Variants in BRWD3 observed in about 807,000 individuals in gnomAD.
The protein encoded by BRWD3 is bromodomain and WD repeat-containing protein 3.
In BRWD3, 10 loss-of-function variants were observed where a neutral mutation model predicts 149.7. That is an observed-to-expected ratio of 0.07 (90% CI 0.04 to 0.11). The LOEUF (loss-of-function observed/expected upper bound fraction) is 0.11, where lower values mean the gene tolerates loss of function less well. BRWD3 is among the 10% of genes least tolerant of loss of function. The pLI is 1.00. For missense variants in BRWD3, 940 were observed against 1,373.2 expected, an observed-to-expected ratio of 0.68 and a Z score of 4.99; for synonymous variants, 504 against 456.7, an observed-to-expected ratio of 1.10 and a Z score of -1.32.
At chrX:80,709,129 C>T (rs1425324214) in intron 21 of BRWD3, among the ~76,000 whole-genome samples, 5 of 110,908 alleles carry the variant, frequency 4.5e-5, no homozygotes, top group African/African-American at 1.3e-4. Context: ...CTTTATATTT[C>T]GCTCCTTTCC....
At chrX:80,677,628 T>TA (rs2072382332) in intron 40 of BRWD3, among the ~76,000 whole-genome samples, 1 of 111,682 alleles carries the variant, frequency 9.0e-6, no homozygotes, top group Non-Finnish European at 1.9e-5. Flanking sequence ...CAGGAAGAAT[T>TA]ACCTGAGAAC....
intron 10 of BRWD3, among the ~76,000 whole-genome samples, chrX:80,734,507 A>C (rs779023705): frequency 9.0e-6 from 1 of 111,651 alleles, no homozygotes; most frequent in South Asian, 3.7e-4. Flanking sequence ...AATGTTCCAA[A>C]ATTATTTATA....
rs1279374810 is a variant in BRWD3 at position 80,669,889 on chromosome X, C to T, written c.*6720G>A. Among the ~76,000 whole-genome samples, 4 of 110,924 alleles carry T rather than the reference C, an allele frequency of 3.6e-5. No individual in the cohort carries two copies. The highest frequency in any genetic ancestry group is 5.7e-5 in the Non-Finnish European group (3 of 52,903). ...AAAATTGAAGAGAACTGCAAAGATGCTGACCAGGCAAGGTGGCAATTCAAA... is the reference window on the plus strand; with the variant it reads ...AAAATTGAAGAGAACTGCAAAGATGTTGACCAGGCAAGGTGGCAATTCAAA... On this transcript the variant is annotated 3_prime_UTR_variant, in exon 41 of 41. Transcript: ENST00000373275.
chrX:80,745,411 A>T (rs2073578636), intron 7 of BRWD3, among the ~76,000 whole-genome samples, 158 bp downstream of exon 7: 1 of 112,343 alleles, frequency 8.9e-6, no homozygotes, highest in African/African-American at 3.2e-5. Context: ...GTTTACTTAT[A>T]TAAAATGAGA....
chrX:80,697,970 G>A (rs372933769), intron 25 of BRWD3, among the ~76,000 whole-genome samples: 1 of 112,114 alleles, frequency 8.9e-6, no homozygotes, highest in South Asian at 3.7e-4. Context: ...ACAAGCATCT[G>A]TTTGTTTGTT....
chrX:80,686,477 G>A lies in BRWD3; in HGVS notation c.4005+386C>T, dbSNP rs187545607. Among the ~76,000 whole-genome samples, 15 of 108,456 alleles carry A rather than the reference G, an allele frequency of 1.4e-4. No homozygotes were observed. In the East Asian group the frequency reaches 4.3e-3, roughly 31 times the overall value. The allele number at this position is 108,456 out of a possible 115,157, so 94.2% of individuals were successfully genotyped here. On this transcript the variant is annotated intron_variant, in intron 35 of 40. Coordinates refer to ENST00000373275, the MANE Select transcript of BRWD3 (RefSeq NM_153252.5). ...AAGTAAAGAAAAGAAAAGTCATACT[G>A]GTATACTGGTTACTCTAAGTGGCCA...
intron 6 of BRWD3, among the ~76,000 whole-genome samples, chrX:80,787,984 T>C (rs1289410322): frequency 1.8e-5 from 2 of 109,520 alleles, no homozygotes; most frequent in Non-Finnish European, 3.8e-5. Context: ...CTCGGGAGGC[T>C]GAGGCAGGAG....
At chrX:80,693,903 A>C (rs1358988358) in intron 27 of BRWD3, among the ~76,000 whole-genome samples, 1 of 111,971 alleles carries the variant, frequency 8.9e-6, no homozygotes, top group Admixed American at 9.5e-5. Flanking sequence ...TCTGAGGAGA[A>C]ATTCAAGCCA....
At position 80,670,594 on chromosome X, in the gene BRWD3, T is replaced by C. The variant is rs187291927; in HGVS notation, c.*6015A>G. Among the ~76,000 whole-genome samples the C allele has an allele frequency of 3.9e-4, 43 of 109,391 alleles. No individual in the cohort carries two copies. The highest frequency in any genetic ancestry group is 1.3e-3 in the African/African-American group (39 of 30,065). 95.0% of individuals were successfully genotyped at this position (109,391 alleles called of 115,157 possible). On this transcript the variant is annotated 3_prime_UTR_variant, in exon 41 of 41. Coordinates refer to ENST00000373275, the MANE Select transcript of BRWD3 (RefSeq NM_153252.5). ...CATGCCCAGCTAATTAAAAAAAAAA[T>C]TGTTTTGTAGATACGGTGTCTCACT... is the stretch of plus-strand genomic sequence containing the variant.
In BRWD3 at chrX:80,680,973, T is replaced by TA. The variant is rs376289604; in HGVS notation, c.4654+367_4654+368insT. ...GTATGCCACCACATGTGGCTACTTT[T>TA]TTTTTTTTTTTTTTTTTGTAGAGAT... On this transcript the variant is annotated intron_variant, in intron 40 of 40. Transcript: ENST00000373275. 2.0e-3 allele frequency among the ~76,000 whole-genome samples: 196 copies of TA among 98,857 alleles called. 1 individual carries two copies. The highest frequency in any genetic ancestry group is 6.9e-3 in the African/African-American group (187 of 26,991). The allele number at this position is 98,857 out of a possible 115,157, so 85.8% of individuals were successfully genotyped here. A position where few individuals can be genotyped will look rare whatever the true frequency, so the allele number is the denominator to read the frequency against.
At chrX:80,807,859 G>A (rs1232005040) in intron 4 of BRWD3, among the ~76,000 whole-genome samples, 1 of 111,560 alleles carries the variant, frequency 9.0e-6, no homozygotes, top group Non-Finnish European at 1.9e-5. Flanking sequence ...ACGGGTCTAT[G>A]CAAATGCGAC....
chrX:80,791,176 C>T (rs1266315299), intron 6 of BRWD3, among the ~76,000 whole-genome samples: 2 of 111,738 alleles, frequency 1.8e-5, no homozygotes, highest in African/African-American at 6.5e-5. Flanking sequence ...GAAATTCATC[C>T]CTTTCAAATT....
At position 80,717,620 on chromosome X, in the gene BRWD3, C is replaced by T. The variant is rs369118921; in HGVS notation, c.2184G>A (p.Ala728=). ...CATTGACCACCACTCTTCTGCTCCA[C>T]GCCATGAGATCTCTTTCAGTGGCCA... ...SQMATERDLM[A]WSRRVVVNEL... Residue 728 remains alanine (A), a synonymous_variant, in exon 19 of 41, where the codon GCG becomes GCA. Transcript: ENST00000373275. The T allele has an allele frequency of 3.1e-4, 381 of 1,209,891 alleles. 2 individuals are homozygous for T. Among genetic ancestry groups the T allele is most frequent in the South Asian group, 7.4e-4 (42 of 56,842 alleles).
At chrX:80,786,362 A>G (rs1031040589) in intron 6 of BRWD3, among the ~76,000 whole-genome samples, 1 of 111,119 alleles carries the variant, frequency 9.0e-6, no homozygotes, top group Non-Finnish European at 1.9e-5. Flanking sequence ...ATGTCCATTT[A>G]TTATACAAAT....
chrX:80,787,829 A>G (rs2074127929), intron 6 of BRWD3, among the ~76,000 whole-genome samples: 1 of 111,497 alleles, frequency 9.0e-6, no homozygotes, highest in African/African-American at 3.3e-5. Context: ...TCACGCCTGT[A>G]ATCCCAGCAC....
intron 6 of BRWD3, among the ~76,000 whole-genome samples, chrX:80,767,705 A>T (rs1025570872): frequency 8.9e-6 from 1 of 112,125 alleles, no homozygotes; most frequent in Non-Finnish European, 1.9e-5. Context: ...CCAGCAACAG[A>T]ACAAAGCTGG....
intron 21 of BRWD3, 29 bp downstream of exon 21, chrX:80,709,399 C>G: frequency 8.5e-7 from 1 of 1,178,591 alleles, no homozygotes; most frequent in Non-Finnish European, 1.1e-6. Flanking sequence ...CAAAAAACTA[C>G]ATCAAATAAA....
At chrX:80,718,260 A>G (rs1269650247) in intron 18 of BRWD3, among the ~76,000 whole-genome samples, 2 of 112,226 alleles carry the variant, frequency 1.8e-5, no homozygotes, top group Admixed American at 9.5e-5. Flanking sequence ...AAGAAAACAA[A>G]GTAACAGAAG....
In BRWD3 at chrX:80,791,957, A is replaced by G; in HGVS notation, c.332-5T>C. On this transcript the variant is annotated splice_polypyrimidine_tract_variant and splice_region_variant and intron_variant, in intron 5 of 40. Coordinates refer to ENST00000373275, the MANE Select transcript of BRWD3 (RefSeq NM_153252.5). ...TCCATAGTGTACTCTTACAGTCTAT[A>G]TAAAAAGAACAAAGGTTGCTAAGGA... The G allele has an allele frequency of 8.6e-7, 1 of 1,164,483 alleles. No individual in the cohort carries two copies. The highest frequency in any genetic ancestry group is 1.8e-5 in the African/African-American group (1 of 56,962).
Sources: gnomAD v4.1 joint callset for allele counts (sites outside exome capture counted in the v4.1 genomes callset) on GRCh38, gnomAD v4.1.1 for gene constraint, MANE v1.5 for transcripts, NCBI Gene and HGNC (gene_info 2026-07-23, HGNC 2026-07-21) for gene names.